Variants in KCNB2 observed in about 807,000 individuals in gnomAD.
KCNB2 encodes potassium voltage-gated channel subfamily B member 2.
A neutral mutation model predicts 61.5 loss-of-function variants in KCNB2; 15 were observed. The observed-to-expected ratio is 0.24, with a 90% CI of 0.16 to 0.38. The LOEUF is 0.38. KCNB2 is among the 10% of genes least tolerant of loss of function. The pLI is 1.00. For synonymous variants in KCNB2, 457 were observed against 446.0 expected (o/e 1.02, Z -0.31); for missense variants, 828 against 1,125.2 (o/e 0.74, Z 3.78).
At chr8:72,654,633 A>G (rs959519368) in intron 2 of KCNB2, among the ~76,000 whole-genome samples, 3 of 152,136 alleles carry the variant, frequency 2.0e-5, no homozygotes, top group Non-Finnish European at 4.4e-5. Context: ...GATTCTTTGT[A>G]TCATTTACTG....
intron 2 of KCNB2, among the ~76,000 whole-genome samples, chr8:72,673,697 G>T (rs1411984562): frequency 6.6e-6 from 1 of 152,186 alleles, no homozygotes; most frequent in Admixed American, 6.5e-5. Context: ...AGCACAAAAG[G>T]ACAAATGTTT....
rs111396114 is a variant in KCNB2 at position 72,778,381 on chromosome 8, T to C, written c.580-157554T>C. On this transcript the variant is annotated intron_variant, in intron 2 of 2. Transcript: ENST00000523207. The stretch of plus-strand genomic sequence containing the variant: ...CCTTCCTTGAGGGAGGGGAAGAAGA[T>C]ACACCTCTTTATTGGGGGAATATTA... 2.3e-3 allele frequency among the ~76,000 whole-genome samples: 351 copies of C among 152,186 alleles called. 4 individuals are homozygous for C. The highest frequency in any genetic ancestry group is 0.01 in the Middle Eastern group (3 of 294).
At chr8:72,697,158 C>T (rs1807030970) in intron 2 of KCNB2, among the ~76,000 whole-genome samples, 1 of 152,076 alleles carries the variant, frequency 6.6e-6, no homozygotes. Flanking sequence ...ACTAAATGAA[C>T]AATTCTCTTT....
At chr8:72,921,958 A>T (rs547586315) in intron 2 of KCNB2, among the ~76,000 whole-genome samples, 1 of 152,292 alleles carries the variant, frequency 6.6e-6, no homozygotes, top group South Asian at 2.1e-4. Context: ...TCTATCTCTC[A>T]TTAAAGTCTG....
At chr8:72,864,556 T>C (rs1370156261) in intron 2 of KCNB2, among the ~76,000 whole-genome samples, 1 of 152,150 alleles carries the variant, frequency 6.6e-6, no homozygotes, top group Non-Finnish European at 1.5e-5. Context: ...ACAGTGTACA[T>C]GTGTCAGAGG....
At chr8:72,656,800 G>A (rs1806299537) in intron 2 of KCNB2, among the ~76,000 whole-genome samples, 1 of 151,950 alleles carries the variant, frequency 6.6e-6, no homozygotes, top group Non-Finnish European at 1.5e-5. Context: ...GTGGAACCTA[G>A]TTTTTTTTCA....
chr8:72,640,699 GA>G (rs1033164988), intron 2 of KCNB2, among the ~76,000 whole-genome samples: 23 of 152,040 alleles, frequency 1.5e-4, no homozygotes, highest in African/African-American at 5.3e-4. Flanking sequence ...AAAATATTAG[GA>G]AAAAGGAGTT....
intron 2 of KCNB2, among the ~76,000 whole-genome samples, chr8:72,758,964 A>G (rs1378473289): frequency 3.9e-5 from 6 of 152,318 alleles, no homozygotes; most frequent in African/African-American, 1.4e-4. Context: ...TTGGATAATT[A>G]AGGGACAGCT....
At chr8:72,736,723 T>C (rs796575582) in intron 2 of KCNB2, among the ~76,000 whole-genome samples, 33 of 152,210 alleles carry the variant, frequency 2.2e-4, no homozygotes, top group African/African-American at 7.7e-4. Flanking sequence ...TAACTGAAAT[T>C]GAAATAAAGG....
At chr8:72,770,785 TTCACTTCAGAAA>T (rs1808545001) in intron 2 of KCNB2, among the ~76,000 whole-genome samples, 2 of 152,364 alleles carry the variant, frequency 1.3e-5, no homozygotes, top group South Asian at 4.1e-4. Context: ...AGTTTGTGTT[TTCACTTCAGAAA>T]TCAATATAGA....
chr8:72,694,549 A>G (rs1169678401), intron 2 of KCNB2, among the ~76,000 whole-genome samples: 1 of 152,244 alleles, frequency 6.6e-6, no homozygotes, highest in Non-Finnish European at 1.5e-5. Flanking sequence ...ATTCTGAAAG[A>G]TGGAGACTTT....
chr8:72,716,555 C>G (rs1342618661), intron 2 of KCNB2, among the ~76,000 whole-genome samples: 1 of 152,162 alleles, frequency 6.6e-6, no homozygotes, highest in African/African-American at 2.4e-5. Flanking sequence ...GAACCAAAGA[C>G]AAAAACCACA....
chr8:72,728,209 T>C (rs949582003), intron 2 of KCNB2, among the ~76,000 whole-genome samples: 1 of 152,188 alleles, frequency 6.6e-6, no homozygotes, highest in African/African-American at 2.4e-5. Flanking sequence ...AGTTTTTAAC[T>C]TGAGAGAATG....
chr8:72,788,647 G>A (rs1308948745), intron 2 of KCNB2, among the ~76,000 whole-genome samples: 1 of 152,070 alleles, frequency 6.6e-6, no homozygotes, highest in Non-Finnish European at 1.5e-5. Flanking sequence ...ACTCCAAAGA[G>A]TTCTCTCCAA....
intron 2 of KCNB2, among the ~76,000 whole-genome samples, chr8:72,822,825 G>C (rs1010424266): frequency 6.6e-6 from 1 of 152,144 alleles, no homozygotes; most frequent in Non-Finnish European, 1.5e-5. Context: ...CCAAGATGGA[G>C]ATCTTTCCTT....
intron 2 of KCNB2, among the ~76,000 whole-genome samples, chr8:72,810,636 A>G (rs1809292492): frequency 6.6e-6 from 1 of 152,222 alleles, no homozygotes; most frequent in Admixed American, 6.5e-5. Flanking sequence ...TAGTATAGCT[A>G]TTAGAGGAGG....
chr8:72,851,835 A>AAAAAAAAAAAAAAAAAC (rs1810118852), intron 2 of KCNB2, among the ~76,000 whole-genome samples: 6 of 116,382 alleles, frequency 5.2e-5, no homozygotes, highest in African/African-American at 2.0e-4. Context: ...GGAAAAAAAA[A>AAAAAAAAAAAAAAAAAC]AAAAAAAAAA....
intron 2 of KCNB2, among the ~76,000 whole-genome samples, chr8:72,868,638 A>C (rs569812182): frequency 3.9e-5 from 6 of 152,248 alleles, no homozygotes; most frequent in African/African-American, 1.4e-4. Context: ...AAAGGACCCC[A>C]TTATTAAAAG....
At chr8:72,751,431 A>G (rs1390109750) in intron 2 of KCNB2, 1 of 152,218 alleles carries the variant, frequency 6.6e-6, no homozygotes, top group African/African-American at 2.4e-5. Context: ...GCTAAAAGTG[A>G]TAGAGCTGAA....
Sources: gnomAD v4.1 joint callset for allele counts (sites outside exome capture counted in the v4.1 genomes callset) on GRCh38, gnomAD v4.1.1 for gene constraint, MANE v1.5 for transcripts, NCBI Gene and HGNC (gene_info 2026-07-23, HGNC 2026-07-21) for gene names.